DOCK1: variants seen among roughly 807,000 people sequenced by gnomAD.
DOCK1 encodes the protein dedicator of cytokinesis 1, also known as dedicator of cytokinesis protein 1.
DOCK1 carries 138 observed loss-of-function variants against 262.7 expected under a neutral mutation model. The ratio of observed to expected loss-of-function variants is 0.53; its 90% CI spans 0.46 to 0.61. The LOEUF is 0.61. Ranked by LOEUF, DOCK1 falls within the 20% of genes least tolerant of loss-of-function variation. The pLI is 0.00. For synonymous variants in DOCK1, 866 were observed against 867.4 expected, an observed-to-expected ratio of 1.00 and a Z score of 0.03; for missense variants, 1,908 against 2,370.7, an observed-to-expected ratio of 0.80 and a Z score of 4.05.
chr10:127,016,983 A>G (rs2041973389), intron 12 of DOCK1, among the ~76,000 whole-genome samples: 6 of 151,126 alleles, frequency 4.0e-5, no homozygotes, highest in Admixed American at 4.0e-4. Context: ...ACACACGCAC[A>G]CACACACAGA....
At chr10:127,372,714 G>C (rs1440368145) in intron 33 of DOCK1, among the ~76,000 whole-genome samples, 1 of 152,212 alleles carries the variant, frequency 6.6e-6, no homozygotes, top group African/African-American at 2.4e-5. Context: ...GAGAAAGTAG[G>C]TGATTGAACA....
In DOCK1 at chr10:127,232,382, C is replaced by A. The variant is rs139319797; in HGVS notation, c.2848-15626C>A. On this transcript the variant is annotated intron_variant, in intron 27 of 51. Coordinates refer to ENST00000623213, the MANE Select transcript of DOCK1 (RefSeq NM_001290223.2). ...TTTTCCATACAGCAAATTCCAGGAT[C>A]CCTTGCTGGATACTGTGGCTGGAGC... Among the ~76,000 whole-genome samples the A allele has an allele frequency of 6.3e-3, 959 of 152,202 alleles. 12 individuals carry two copies. The highest frequency in any genetic ancestry group is 0.022 in the African/African-American group (895 of 41,534).
intron 29 of DOCK1, among the ~76,000 whole-genome samples, chr10:127,319,436 G>A (rs556998093): frequency 2.6e-5 from 4 of 152,264 alleles, no homozygotes; most frequent in Admixed American, 1.3e-4. Flanking sequence ...TTCGGCGGGC[G>A]GGAGCTTCCC....
chr10:127,353,957 A>G (rs1007474348), intron 31 of DOCK1, among the ~76,000 whole-genome samples: 2 of 151,938 alleles, frequency 1.3e-5, no homozygotes, highest in African/African-American at 4.8e-5. Context: ...CAGCTGCTCA[A>G]CTGTAATCCT....
chr10:127,116,879 C>T (rs1267672245), intron 25 of DOCK1, among the ~76,000 whole-genome samples: 2 of 152,164 alleles, frequency 1.3e-5, no homozygotes, highest in Non-Finnish European at 2.9e-5. Flanking sequence ...TTCTGATGAA[C>T]GGTACCAGCT....
At chr10:127,054,760 G>A (rs1475106853) in intron 22 of DOCK1, among the ~76,000 whole-genome samples, 2 of 152,162 alleles carry the variant, frequency 1.3e-5, no homozygotes, top group African/African-American at 4.8e-5. Flanking sequence ...TTTGAAAAAT[G>A]TTAATTTTGT....
At chr10:127,388,717 C>T (rs1339666381) in intron 38 of DOCK1, among the ~76,000 whole-genome samples, 1 of 152,186 alleles carries the variant, frequency 6.6e-6, no homozygotes, top group Admixed American at 6.5e-5. Flanking sequence ...AAGAGTCCCC[C>T]GCCCTGGGGC....
chr10:127,359,775 G>A (rs1022222578), intron 32 of DOCK1, among the ~76,000 whole-genome samples: 2 of 152,138 alleles, frequency 1.3e-5, no homozygotes, highest in Admixed American at 6.5e-5. Context: ...CTTAAGTATC[G>A]TTATAGTAGC....
chr10:127,431,934 G>T (rs146683555), intron 47 of DOCK1, among the ~76,000 whole-genome samples: 365 of 152,284 alleles, frequency 2.4e-3, no homozygotes, highest in African/African-American at 8.3e-3. Flanking sequence ...GGGTGAGGGA[G>T]CATTACTGTC....
At chr10:127,289,618 C>A (rs1167995741) in intron 29 of DOCK1, among the ~76,000 whole-genome samples, 1 of 152,152 alleles carries the variant, frequency 6.6e-6, no homozygotes, top group Non-Finnish European at 1.5e-5. Context: ...CCTTTCCAAC[C>A]TATTATGTTG....
intron 47 of DOCK1, among the ~76,000 whole-genome samples, chr10:127,430,059 C>G (rs2069177212): frequency 6.6e-6 from 1 of 152,186 alleles, no homozygotes; most frequent in South Asian, 2.1e-4. Flanking sequence ...TCGTCCCCCT[C>G]TCCCCTCCCC....
intron 27 of DOCK1, among the ~76,000 whole-genome samples, chr10:127,157,616 A>G (rs1430386070): frequency 6.6e-6 from 1 of 152,212 alleles, no homozygotes; most frequent in Non-Finnish European, 1.5e-5. Flanking sequence ...GTTGGTAAGA[A>G]CCAAAGGAGT....
In DOCK1 at chr10:127,436,350, C is replaced by T. The variant is rs1315545914; in HGVS notation, c.5061-2677C>T. 2.6e-5 allele frequency among the ~76,000 whole-genome samples: 4 copies of T among 152,030 alleles called. No individual in the cohort carries two copies. The East Asian group carries it at 7.7e-4, about 29-fold the overall frequency. On this transcript the variant is annotated intron_variant, in intron 48 of 51. Transcript: ENST00000623213. ...TAGGCAACATAACAAAACCCCATCTCTACAAAAAAATATAAAAATTAGCTG... is the reference window on the plus strand; with the variant it reads ...TAGGCAACATAACAAAACCCCATCTTTACAAAAAAATATAAAAATTAGCTG...
intron 23 of DOCK1, among the ~76,000 whole-genome samples, chr10:127,103,332 T>A (rs780998108): frequency 2.6e-5 from 4 of 152,204 alleles, no homozygotes; most frequent in African/African-American, 9.6e-5. Context: ...GAAAGAGTTT[T>A]AATCGTAGGA....
At chr10:127,322,306 T>C (rs528876180) in intron 29 of DOCK1, among the ~76,000 whole-genome samples, 3 of 148,852 alleles carry the variant, frequency 2.0e-5, no homozygotes, top group Middle Eastern at 3.4e-3. Flanking sequence ...CCTCCCGCCT[T>C]AGCCTCCTAA....
In DOCK1 at chr10:127,130,065, C is replaced by CTTTTTT. The variant is rs74721427; in HGVS notation, c.2847+2327_2847+2332dup. Among the ~76,000 whole-genome samples, 212 of 117,494 alleles carry CTTTTTT rather than the reference C, an allele frequency of 1.8e-3. 18 individuals are homozygous for CTTTTTT. Among genetic ancestry groups the CTTTTTT allele is most frequent in the African/African-American group, 8.1e-3 (206 of 25,334 alleles). 77.1% of individuals were successfully genotyped at this position (117,494 alleles called of 152,430 possible). On this transcript the variant is annotated intron_variant, in intron 27 of 51. Transcript: ENST00000623213. The stretch of plus-strand genomic sequence containing the variant: ...CAATCCTGCCTCCAGTTAGGGTCTT[C>CTTTTTT]TTTTTTTTTTTTTTTTTTTTTTTTT...
chr10:127,090,478 G>A (rs553492946), intron 23 of DOCK1, among the ~76,000 whole-genome samples: 8 of 150,384 alleles, frequency 5.3e-5, no homozygotes, highest in Admixed American at 2.6e-4. Flanking sequence ...TTTTTTTCCT[G>A]TTAATAATTT....
At chr10:127,288,500 C>T (rs2061237833) in intron 29 of DOCK1, among the ~76,000 whole-genome samples, 1 of 151,768 alleles carries the variant, frequency 6.6e-6, no homozygotes, top group South Asian at 2.1e-4. Flanking sequence ...CTTTTCCCTG[C>T]ACCAGGATGT....
chr10:126,968,227 C>T (rs1168094259), intron 1 of DOCK1, among the ~76,000 whole-genome samples: 1 of 152,116 alleles, frequency 6.6e-6, no homozygotes, highest in Admixed American at 6.5e-5. Flanking sequence ...CATCCTTCCG[C>T]TCCTCTCTCC....
Sources: gnomAD v4.1 joint callset for allele counts (sites outside exome capture counted in the v4.1 genomes callset) on GRCh38, gnomAD v4.1.1 for gene constraint, MANE v1.5 for transcripts, NCBI Gene and HGNC (gene_info 2026-07-23, HGNC 2026-07-21) for gene names.